The following ELMOD1 variants were observed in gnomAD, a reference collection of about 807,000 sequenced individuals.
The protein encoded by ELMOD1 is ELMO domain containing 1.
A neutral mutation model predicts 46.7 loss-of-function variants in ELMOD1; 21 were observed. That is an observed-to-expected ratio of 0.45 (90% confidence interval 0.32 to 0.65). The LOEUF is 0.65. Ranked by LOEUF, ELMOD1 falls within the 30% of genes least tolerant of loss-of-function variation. The probability of loss-of-function intolerance (pLI) is 0.04; values close to 1 mark genes in which losing one functional copy is unlikely to be tolerated. For missense variants in ELMOD1, 348 were observed against 407.8 expected (o/e 0.85, Z 1.26); for synonymous variants, 122 against 138.2 (o/e 0.88, Z 0.82).
intron 10 of ELMOD1, 101 bp downstream of exon 10, chr11:107,654,323 A>C (rs770544763): frequency 1.0e-5 from 10 of 1,004,128 alleles, no homozygotes; most frequent in Non-Finnish European, 1.5e-5. Context: ...TACTTGTCCT[A>C]ATAGAAATAT....
intron 11 of ELMOD1, among the ~76,000 whole-genome samples, chr11:107,663,964 G>T (rs1172400397): frequency 6.6e-6 from 1 of 151,986 alleles, no homozygotes; most frequent in Non-Finnish European, 1.5e-5. Context: ...AGAAAATTTT[G>T]CATAATCTTT....
intron 1 of ELMOD1, among the ~76,000 whole-genome samples, chr11:107,612,948 T>A (rs1023222180): frequency 1.3e-5 from 2 of 152,222 alleles, no homozygotes; most frequent in Admixed American, 1.3e-4. Flanking sequence ...CTAATTGTTA[T>A]CTTTGTTTCC....
At chr11:107,651,596 A>C (rs958180929) in intron 9 of ELMOD1, among the ~76,000 whole-genome samples, 1 of 152,190 alleles carries the variant, frequency 6.6e-6, no homozygotes, top group African/African-American at 2.4e-5. Flanking sequence ...ATACGATTAA[A>C]AATTCATTCC....
chr11:107,642,277 G>A (rs563102936), intron 6 of ELMOD1, among the ~76,000 whole-genome samples: 10 of 152,120 alleles, frequency 6.6e-5, no homozygotes, highest in African/African-American at 2.2e-4. Flanking sequence ...TTTGTCTGAT[G>A]AGGATTATAA....
chr11:107,628,015 A>G (rs1352096837), intron 2 of ELMOD1, among the ~76,000 whole-genome samples: 1 of 151,982 alleles, frequency 6.6e-6, no homozygotes, highest in Non-Finnish European at 1.5e-5. Context: ...GTTAATGTAT[A>G]TACATATATA....
chr11:107,613,536 T>G (rs1167383435), intron 1 of ELMOD1, among the ~76,000 whole-genome samples: 1 of 152,164 alleles, frequency 6.6e-6, no homozygotes, highest in Admixed American at 6.5e-5. Context: ...AGCACAATAT[T>G]GGACACATAA....
At position 107,595,730 on chromosome 11, in the gene ELMOD1, G is replaced by A. The variant is rs1319096210; in HGVS notation, c.-86+4321G>A. On this transcript the variant is annotated intron_variant, in intron 1 of 11. Transcript: ENST00000265840. Reference sequence around the variant, plus strand: ...CTTCCAACTCACTTATGCTGACCATGAGCAAGTCATATTTTATATCAGTTT... The same window carrying A: ...CTTCCAACTCACTTATGCTGACCATAAGCAAGTCATATTTTATATCAGTTT... Among the ~76,000 whole-genome samples, 3 of 152,182 alleles carry A rather than the reference G, an allele frequency of 2.0e-5. No homozygotes were observed. In the East Asian group the frequency reaches 5.8e-4, roughly 29 times the overall value.
At chr11:107,595,486 A>T (rs1187698528) in intron 1 of ELMOD1, among the ~76,000 whole-genome samples, 1 of 152,210 alleles carries the variant, frequency 6.6e-6, no homozygotes. Context: ...CAATTAGGCC[A>T]TAGGTTTTGT....
intron 11 of ELMOD1, among the ~76,000 whole-genome samples, chr11:107,660,447 A>C (rs1375532799): frequency 4.6e-5 from 7 of 152,212 alleles, no homozygotes; most frequent in Admixed American, 1.3e-4. Context: ...AAATGGAGTG[A>C]GGTTAGGTGT....
chr11:107,606,728 G>A (rs1416274050), intron 1 of ELMOD1, among the ~76,000 whole-genome samples: 1 of 151,962 alleles, frequency 6.6e-6, no homozygotes, highest in Non-Finnish European at 1.5e-5. Flanking sequence ...CCAGCTACTC[G>A]GGAGGCTGAG....
chr11:107,641,506 T>C (rs1866323171), intron 6 of ELMOD1, among the ~76,000 whole-genome samples: 1 of 152,146 alleles, frequency 6.6e-6, no homozygotes, highest in Non-Finnish European at 1.5e-5. Flanking sequence ...TAAACAGGCA[T>C]AAGCCACCAT....
intron 2 of ELMOD1, among the ~76,000 whole-genome samples, chr11:107,622,026 T>A (rs1161519719): frequency 6.6e-6 from 1 of 152,010 alleles, no homozygotes. Context: ...AAACTCCATC[T>A]CAAAAATAAA....
chr11:107,599,263 G>A (rs944910428), intron 1 of ELMOD1, among the ~76,000 whole-genome samples: 34 of 152,100 alleles, frequency 2.2e-4, no homozygotes, highest in African/African-American at 8.2e-4. Context: ...TCCATTCCAA[G>A]AGAAAATTTT....
chr11:107,635,236 A>G lies in ELMOD1; in HGVS notation c.291-400A>G, dbSNP rs1866208108. ...AATCCCTAAGAGCCCAGTATTACCTATAATTTCAAGTAACCTGCATAAAGA... is the reference window on the plus strand; with the variant it reads ...AATCCCTAAGAGCCCAGTATTACCTGTAATTTCAAGTAACCTGCATAAAGA... On this transcript the variant is annotated intron_variant, in intron 5 of 11. Coordinates refer to ENST00000265840, the MANE Select transcript of ELMOD1 (RefSeq NM_018712.4). 2.0e-5 allele frequency among the ~76,000 whole-genome samples: 3 copies of G among 152,200 alleles called. No homozygotes were observed. In the South Asian group the frequency reaches 6.2e-4, roughly 32 times the overall value.
chr11:107,643,384 AAG>A, intron 6 of ELMOD1: 1 of 230,214 alleles, frequency 4.3e-6, no homozygotes, highest in Non-Finnish European at 8.6e-6. Context: ...AAAAAAAAAA[AAG>A]CATGTGAAAA....
intron 1 of ELMOD1, among the ~76,000 whole-genome samples, chr11:107,607,351 C>T (rs1865702837): frequency 6.6e-6 from 1 of 152,104 alleles, no homozygotes; most frequent in African/African-American, 2.4e-5. Context: ...TAAAGTGACA[C>T]AATATAATAA....
intron 2 of ELMOD1, among the ~76,000 whole-genome samples, chr11:107,620,782 T>C (rs1047334901): frequency 1.3e-5 from 2 of 152,194 alleles, no homozygotes; most frequent in African/African-American, 4.8e-5. Context: ...GAGAATCGCT[T>C]GAACCAGGGA....
At position 107,631,400 on chromosome 11, in the gene ELMOD1, C is replaced by CT. The variant is rs1210343981; in HGVS notation, c.193-180_193-179insT. ...AAGTTATCAGGAAAATTGCACTACC[C>CT]CCCCCCCCATCGTGAAAATGTCAAA... On this transcript the variant is annotated intron_variant, in intron 4 of 11. Transcript: ENST00000265840. Among the ~76,000 whole-genome samples, 10 of 61,166 alleles carry CT rather than the reference C, an allele frequency of 1.6e-4. 1 individual carries two copies. Among genetic ancestry groups the CT allele is most frequent in the Admixed American group, 3.4e-4 (2 of 5,952 alleles). 40.1% of individuals were successfully genotyped at this position (61,166 alleles called of 152,430 possible).
rs1390464018 is a variant in ELMOD1 at position 107,664,826 on chromosome 11, T to G, written c.833-199T>G. Among the ~76,000 whole-genome samples the G allele has an allele frequency of 2.6e-5, 4 of 152,166 alleles. No homozygotes were observed. The East Asian group carries it at 7.7e-4, about 29-fold the overall frequency. ...ATTCCAGGGCCAATTGCAAAAAGCT[T>G]GCAGATTGGTAGGCTTCAACTGCAC... On this transcript the variant is annotated intron_variant, in intron 11 of 11. Coordinates refer to ENST00000265840, the MANE Select transcript of ELMOD1 (RefSeq NM_018712.4).
Sources: gnomAD v4.1 joint callset for allele counts (sites outside exome capture counted in the v4.1 genomes callset) on GRCh38, gnomAD v4.1.1 for gene constraint, MANE v1.5 for transcripts, NCBI Gene and HGNC (gene_info 2026-07-23, HGNC 2026-07-21) for gene names.